The following POR variants were observed in gnomAD, a reference collection of about 807,000 sequenced individuals.
The protein encoded by POR is NADPH--cytochrome P450 reductase.
POR carries 56 observed loss-of-function variants against 84.0 expected under a neutral mutation model. That is an observed-to-expected ratio of 0.67 (90% confidence interval 0.54 to 0.83). The LOEUF (loss-of-function observed/expected upper bound fraction) is 0.83, where lower values mean the gene tolerates loss of function less well. Among genes scored for constraint, POR ranks in the 40% least tolerant of loss-of-function variants. The pLI is 0.00. For synonymous variants in POR, 414 were observed against 400.5 expected, an observed-to-expected ratio of 1.03 and a Z score of -0.40; for missense variants, 938 against 944.3, an observed-to-expected ratio of 0.99 and a Z score of 0.09.
rs1789110120 is a variant in POR, at chr7:75,982,395, G to GTATCCCCA, written c.830+82_830+89dup. ...GTGCACCCCAGGCTCAGTCTGCCGT[G>GTATCCCCA]TATCCCCATATCCCCACAGGGCCCT... On this transcript the variant is annotated intron_variant, in intron 8 of 15. Coordinates refer to ENST00000461988, the MANE Select transcript of POR (RefSeq NM_000941.3). 8.8e-6 allele frequency: 11 copies of GTATCCCCA among 1,255,140 alleles called. No individual in the cohort carries two copies. In the South Asian group the frequency reaches 1.4e-4, roughly 16 times the overall value. The allele number at this position is 1,255,140 out of a possible 1,614,324, so 77.8% of individuals were successfully genotyped here. A position where few individuals can be genotyped will look rare whatever the true frequency, so the allele number is the denominator to read the frequency against.
At chr7:75,915,496 C>T (rs1291783665) in intron 1 of POR, 3 of 152,326 alleles carry the variant, frequency 2.0e-5, no homozygotes, top group African/African-American at 7.2e-5. Flanking sequence ...GCTCGGGGTC[C>T]AGTCCCCGCG....
rs2116595459 is a variant in POR at position 75,981,187 on chromosome 7, T to C, written c.641+15T>C. ...GACGATGGGAAGTGAGTGCCCACCC[T>C]GCCACCATGATCAGCGCGGCGGGCT... On this transcript the variant is annotated intron_variant, in intron 6 of 15. Coordinates refer to ENST00000461988, the MANE Select transcript of POR (RefSeq NM_000941.3). 2 of 1,529,944 alleles carry C rather than the reference T, an allele frequency of 1.3e-6. No homozygotes were observed. Among genetic ancestry groups the C allele is most frequent in the Admixed American group, 2.0e-5 (1 of 49,734 alleles). 94.8% of individuals were successfully genotyped at this position (1,529,944 alleles called of 1,614,324 possible).
intron 2 of POR, among the ~76,000 whole-genome samples, chr7:75,955,865 C>T (rs1166534850): frequency 6.6e-6 from 1 of 152,248 alleles, no homozygotes; most frequent in African/African-American, 2.4e-5. Context: ...ATGCCGCTCA[C>T]ATCAAATCCC....
At chr7:75,935,694 A>G (rs757430141) in intron 1 of POR, among the ~76,000 whole-genome samples, 4 of 148,754 alleles carry the variant, frequency 2.7e-5, no homozygotes, top group Non-Finnish European at 5.9e-5. Flanking sequence ...ATCTGTATTT[A>G]TTAACTCAGG....
At chr7:75,962,359 T>C (rs901054863) in intron 2 of POR, among the ~76,000 whole-genome samples, 3 of 152,058 alleles carry the variant, frequency 2.0e-5, no homozygotes, top group Non-Finnish European at 4.4e-5. Context: ...AGGGGTGTGA[T>C]CAGGGCTCAC....
At chr7:75,949,106 G>GA (rs1554552431) in intron 1 of POR, among the ~76,000 whole-genome samples, 2 of 152,074 alleles carry the variant, frequency 1.3e-5, no homozygotes. Context: ...GGATCGTATG[G>GA]GCCTTATGAG....
chr7:75,952,228 G>T (rs1207943085), intron 1 of POR, among the ~76,000 whole-genome samples: 3 of 134,140 alleles, frequency 2.2e-5, no homozygotes, highest in South Asian at 2.4e-4. Context: ...GCGGCTGGCC[G>T]GGCGGGGGGC....
At chr7:75,985,426 G>A in intron 12 of POR, 153 bp from the exon 13 acceptor site, 1 of 1,159,122 alleles carries the variant, frequency 8.6e-7, no homozygotes, top group Non-Finnish European at 1.2e-6. Context: ...ACCAGTCCGG[G>A]AAGCCGCTGG....
intron 2 of POR, among the ~76,000 whole-genome samples, chr7:75,966,428 C>A (rs1240894991): frequency 1.3e-5 from 2 of 152,208 alleles, no homozygotes; most frequent in African/African-American, 4.8e-5. Flanking sequence ...CTGGGTCCGC[C>A]TAGCAGAGCC....
chr7:75,936,823 A>ATTTTTTTTTT (rs71519400), intron 1 of POR, among the ~76,000 whole-genome samples: 1 of 123,578 alleles, frequency 8.1e-6, no homozygotes, highest in Non-Finnish European at 1.6e-5. Context: ...ATTATTATTA[A>ATTTTTTTTTT]TTTTTTTTTT....
Position 75,954,121 on chromosome 7 carries a change from CT to C in POR, c.130del (p.Trp44GlyfsTer20), listed in dbSNP as rs1554553372. 6.2e-7 allele frequency: 1 copy of C among 1,613,426 alleles called. No individual in the cohort carries two copies. Among genetic ancestry groups the C allele is most frequent in the Non-Finnish European group, 8.5e-7 (1 of 1,179,654 alleles). ...CGCTCATCGTGGGTCTCCTAACCTA[CT>C]GGTTCCTCTTCAGAAAGAAAAAAGA... On this transcript the variant is annotated frameshift_variant, in exon 2 of 16. Coordinates refer to ENST00000461988, the MANE Select transcript of POR (RefSeq NM_000941.3). LOFTEE classifies it high-confidence loss of function.
intron 1 of POR, among the ~76,000 whole-genome samples, chr7:75,950,544 C>T (rs916207436): frequency 6.6e-6 from 1 of 152,180 alleles, no homozygotes; most frequent in Non-Finnish European, 1.5e-5. Flanking sequence ...GGGGCCCTGA[C>T]TGTCTGCTGC....
chr7:75,984,867 C>T lies in POR; in HGVS notation c.1157C>T (p.Thr386Ile). The change falls in exon 11 of 16, where the codon ACC (threonine) becomes ATC (isoleucine). Residue 386 changes from threonine to isoleucine, a missense_variant. Physicochemically the swap from Thr to Ile is moderately conservative, Grantham distance 89. Coordinates refer to ENST00000461988, the MANE Select transcript of POR (RefSeq NM_000941.3). ...CTGGACATCACCAACCCGCCGCGTA[C>T]CAACGTGCTGTACGAGCTGGCGCAG... The T allele has an allele frequency of 6.2e-7, 1 of 1,612,628 alleles. No homozygotes were observed. Among genetic ancestry groups the T allele is most frequent in the Non-Finnish European group, 8.5e-7 (1 of 1,179,800 alleles).
At position 75,920,056 on chromosome 7, in the gene POR, CTT is replaced by C. The variant is rs71519397; in HGVS notation, c.-5+4903_-5+4904del. Among the ~76,000 whole-genome samples, 186 of 76,432 alleles carry C rather than the reference CTT, an allele frequency of 2.4e-3. 1 individual carries two copies. Among genetic ancestry groups the C allele is most frequent in the Middle Eastern group, 0.014 (2 of 138 alleles). 50.1% of individuals were successfully genotyped at this position (76,432 alleles called of 152,430 possible). A position where few individuals can be genotyped will look rare whatever the true frequency, so the allele number is the denominator to read the frequency against. On this transcript the variant is annotated intron_variant, in intron 1 of 15. Transcript: ENST00000461988. Reference sequence around the variant, plus strand: ...GGACTGTTCTCCAAGAGTTGAATTTCTTTTTTTTTTTTTTTTTTTTTTTTTTT... The same window carrying C: ...GGACTGTTCTCCAAGAGTTGAATTTCTTTTTTTTTTTTTTTTTTTTTTTTT...
chr7:75,965,003 C>T (rs534569697), intron 2 of POR, among the ~76,000 whole-genome samples: 240 of 151,532 alleles, frequency 1.6e-3, no homozygotes, highest in African/African-American at 4.5e-3. Context: ...GGCAACGGAG[C>T]GAACCCCGTC....
intron 1 of POR, among the ~76,000 whole-genome samples, chr7:75,917,460 C>T (rs543972551): frequency 5.7e-4 from 86 of 150,556 alleles, no homozygotes; most frequent in African/African-American, 2.0e-3. Flanking sequence ...CTGGCCGCCC[C>T]TACAAGAGCT....
intron 2 of POR, chr7:75,967,961 C>T (rs1563422259): frequency 2.3e-6 from 1 of 440,174 alleles, no homozygotes; most frequent in Non-Finnish European, 4.6e-6. Flanking sequence ...GCAACTTCCT[C>T]ACCAGTACGG....
Position 75,980,422 on chromosome 7 carries a change from C to G in POR, c.450C>G (p.Asp150Glu), listed in dbSNP as rs782538618. The G allele has an allele frequency of 6.2e-7, 1 of 1,613,248 alleles. No homozygotes were observed. Among genetic ancestry groups the G allele is most frequent in the African/African-American group, 1.3e-5 (1 of 74,926 alleles). ...CCTACGGTGAGGGAGACCCCACCGA[C>G]AATGCCCAGGACTTCTACGACTGGC... Residue 150 changes from aspartate (D) to glutamate (E), a missense_variant, in exon 5 of 16, where the codon GAC becomes GAG. Asp to Glu is a conservative substitution (Grantham distance 45). Transcript: ENST00000461988.
At chr7:75,915,768 G>A (rs2116153594) in intron 1 of POR, 1 of 152,304 alleles carries the variant, frequency 6.6e-6, no homozygotes, top group Middle Eastern at 3.4e-3. Context: ...CACAACACAG[G>A]TACCCGGATC....
Sources: gnomAD v4.1 joint callset for allele counts (sites outside exome capture counted in the v4.1 genomes callset) on GRCh38, gnomAD v4.1.1 for gene constraint, MANE v1.5 for transcripts, NCBI Gene and HGNC (gene_info 2026-07-23, HGNC 2026-07-21) for gene names.